Variants in BCL9 observed in about 807,000 individuals in gnomAD.
BCL9 encodes BCL9 transcription coactivator.
Under a neutral mutation model 88.5 loss-of-function variants are expected in BCL9, and 25 were observed. That is an observed-to-expected ratio of 0.28 (90% confidence interval 0.21 to 0.39). The LOEUF (loss-of-function observed/expected upper bound fraction) is 0.39, where lower values mean the gene tolerates loss of function less well. Among genes scored for constraint, BCL9 ranks in the 10% least tolerant of loss-of-function variants. The probability of loss-of-function intolerance (pLI) is 1.00; values close to 1 mark genes in which losing one functional copy is unlikely to be tolerated. For synonymous variants in BCL9, 711 were observed against 673.3 expected, an observed-to-expected ratio of 1.06 and a Z score of -0.87; for missense variants, 1,817 against 1,877.8, an observed-to-expected ratio of 0.97 and a Z score of 0.60.
chr1:147,567,264 G>C (rs1333937451), intron 1 of BCL9, among the ~76,000 whole-genome samples: 1 of 152,176 alleles, frequency 6.6e-6, no homozygotes, highest in East Asian at 1.9e-4. Context: ...TTCGTGGACT[G>C]TACAGAATTG....
chr1:147,548,423 G>T (rs1273513673), intron 1 of BCL9, among the ~76,000 whole-genome samples: 1 of 152,154 alleles, frequency 6.6e-6, no homozygotes, highest in Non-Finnish European at 1.5e-5. Flanking sequence ...TTCCAAGCCA[G>T]CTCCAGCTGC....
intron 1 of BCL9, among the ~76,000 whole-genome samples, chr1:147,556,641 G>T (rs1406035623): frequency 2.0e-5 from 3 of 151,788 alleles, no homozygotes; most frequent in African/African-American, 7.3e-5. Context: ...TAGAGACAGG[G>T]TCTCATTATG....
chr1:147,596,572 C>A (rs1435232132), intron 1 of BCL9, among the ~76,000 whole-genome samples: 3 of 21,606 alleles, frequency 1.4e-4, no homozygotes, highest in South Asian at 2.5e-3. Context: ...GGCCACCACA[C>A]CCTGCTAATT....
chr1:147,593,151 CAA>C (rs1467487412), intron 1 of BCL9, among the ~76,000 whole-genome samples: 1 of 152,226 alleles, frequency 6.6e-6, no homozygotes, highest in African/African-American at 2.4e-5. Context: ...GCTGAGAAGA[CAA>C]AGAGGCATCC....
rs1557868252 is a variant in BCL9, at chr1:147,626,083, A to C, written c.*1124A>C. ...CCAGGATTTTGTTTCTGTTTGTTTT[A>C]AATTTTGTGGTTCCTTCCCTTTCCT... On this transcript the variant is annotated 3_prime_UTR_variant, in exon 10 of 10. Coordinates refer to ENST00000234739, the MANE Select transcript of BCL9 (RefSeq NM_004326.4). 4.5e-6 allele frequency: 1 copy of C among 221,074 alleles called. No homozygotes were observed. 13.7% of individuals were successfully genotyped at this position (221,074 alleles called of 1,614,324 possible).
intron 1 of BCL9, among the ~76,000 whole-genome samples, chr1:147,588,471 C>T (rs1656712970): frequency 6.6e-6 from 1 of 152,098 alleles, no homozygotes; most frequent in Non-Finnish European, 1.5e-5. Flanking sequence ...TAAGGTGAAA[C>T]AAAAAGGATT....
At chr1:147,593,772 C>G (rs782205292) in intron 1 of BCL9, among the ~76,000 whole-genome samples, 1 of 152,058 alleles carries the variant, frequency 6.6e-6, no homozygotes, top group Non-Finnish European at 1.5e-5. Context: ...AAGCCCTGTA[C>G]TTAGTAGTTG....
At chr1:147,595,368 G>GT (rs1553200351) in intron 1 of BCL9, among the ~76,000 whole-genome samples, 1 of 152,240 alleles carries the variant, frequency 6.6e-6, no homozygotes, top group Non-Finnish European at 1.5e-5. Flanking sequence ...AAATAGTTGG[G>GT]TAGTAATTCT....
chr1:147,559,178 T>C (rs1277875337), intron 1 of BCL9, among the ~76,000 whole-genome samples: 2 of 150,666 alleles, frequency 1.3e-5, no homozygotes, highest in African/African-American at 4.9e-5. Flanking sequence ...TTTTTTCTTC[T>C]TTACCAGGAA....
In BCL9 at chr1:147,625,116, G is replaced by T; in HGVS notation, c.*157G>T. On this transcript the variant is annotated 3_prime_UTR_variant, in exon 10 of 10. Coordinates refer to ENST00000234739, the MANE Select transcript of BCL9 (RefSeq NM_004326.4). ...GGGAGGGGGGAACTCGAGAATGTAT[G>T]GATTTACCTGAAAACAAATTATTCA... is the stretch of plus-strand genomic sequence containing the variant. 1 of 777,532 alleles carries T rather than the reference G, an allele frequency of 1.3e-6. No individual in the cohort carries two copies. Among genetic ancestry groups the T allele is most frequent in the Non-Finnish European group, 1.9e-6 (1 of 530,332 alleles). 48.2% of individuals were successfully genotyped at this position (777,532 alleles called of 1,614,324 possible).
intron 1 of BCL9, among the ~76,000 whole-genome samples, chr1:147,568,626 C>A (rs1054363616): frequency 4.0e-5 from 6 of 151,854 alleles, no homozygotes; most frequent in Non-Finnish European, 8.8e-5. Flanking sequence ...AATAGGAGAG[C>A]TGATTCAAGA....
rs1658581425 is a variant in BCL9, at chr1:147,620,699, A to G, written c.2544A>G (p.Ile848Met). The G allele has an allele frequency of 6.2e-7, 1 of 1,614,144 alleles. No individual in the cohort carries two copies. Among genetic ancestry groups the G allele is most frequent in the African/African-American group, 1.3e-5 (1 of 75,022 alleles). ...QRGLGRKPLDISVAGSQVHSP... is the reference protein window; with the variant it reads ...QRGLGRKPLDMSVAGSQVHSP... ...GCCTGGGGCGGAAGCCCTTGGATAT[A>G]TCTGTGGCAGGCAGCCAGGTGCATT... The change falls in exon 8 of 10, where the codon ATA becomes ATG. Residue 848 changes from isoleucine to methionine, a missense_variant. Coordinates refer to ENST00000234739, the MANE Select transcript of BCL9 (RefSeq NM_004326.4).
At chr1:147,569,358 T>G (rs142943420) in intron 1 of BCL9, among the ~76,000 whole-genome samples, 2 of 151,440 alleles carry the variant, frequency 1.3e-5, no homozygotes, top group African/African-American at 4.8e-5. Flanking sequence ...CCTGGGTAAC[T>G]ATACCCACGC....
At position 147,625,105 on chromosome 1, in the gene BCL9, C is replaced by T. The variant is rs112016098; in HGVS notation, c.*146C>T. On this transcript the variant is annotated 3_prime_UTR_variant, in exon 10 of 10. Coordinates refer to ENST00000234739, the MANE Select transcript of BCL9 (RefSeq NM_004326.4). ...GGCTGCTTTGGGGGAGGGGGGAACTCGAGAATGTATGGATTTACCTGAAAA... is the reference window on the plus strand; with the variant it reads ...GGCTGCTTTGGGGGAGGGGGGAACTTGAGAATGTATGGATTTACCTGAAAA... 1,269 of 924,754 alleles carry T rather than the reference C, an allele frequency of 1.4e-3. 13 individuals carry two copies. In the African/African-American group the frequency reaches 0.019, roughly 14 times the overall value. The allele number at this position is 924,754 out of a possible 1,614,324, so 57.3% of individuals were successfully genotyped here. A position where few individuals can be genotyped will look rare whatever the true frequency, so the allele number is the denominator to read the frequency against.
Position 147,620,820 on chromosome 1 carries a change from C to G in BCL9, c.2665C>G (p.Pro889Ala). ...PSGNLKSPQT[P>A]SQLAGMLAGP... ...GGGGAACCTCAAGTCCCCCCAGACT[C>G]CATCGCAGCTGGCAGGCATGCTGGC... The change falls in exon 8 of 10, where the codon CCA becomes GCA. Residue 889 changes from proline (P) to alanine (A), a missense_variant. Coordinates refer to ENST00000234739, the MANE Select transcript of BCL9 (RefSeq NM_004326.4). 3.1e-6 allele frequency: 5 copies of G among 1,614,198 alleles called. No homozygotes were observed. Among genetic ancestry groups the G allele is most frequent in the Admixed American group, 1.7e-5 (1 of 60,034 alleles).
chr1:147,565,174 A>G (rs1361381842), intron 1 of BCL9, among the ~76,000 whole-genome samples: 1 of 152,182 alleles, frequency 6.6e-6, no homozygotes, highest in African/African-American at 2.4e-5. Flanking sequence ...GTACTTGCCA[A>G]TGACTACATC....
At chr1:147,596,245 T>C (rs924548520) in intron 1 of BCL9, among the ~76,000 whole-genome samples, 7 of 152,158 alleles carry the variant, frequency 4.6e-5, no homozygotes, top group Non-Finnish European at 7.4e-5. Context: ...GGGATGAAGC[T>C]CTGGGACTCC....
At chr1:147,599,496 C>G (rs1228643746) in intron 1 of BCL9, among the ~76,000 whole-genome samples, 1 of 132,242 alleles carries the variant, frequency 7.6e-6, no homozygotes, top group South Asian at 2.1e-4. Context: ...GGCCCCCCGC[C>G]CCCCTCGGTT....
chr1:147,607,183 C>T (rs782570909), intron 3 of BCL9, among the ~76,000 whole-genome samples: 4 of 152,096 alleles, frequency 2.6e-5, no homozygotes, highest in Admixed American at 1.3e-4. Flanking sequence ...TTTTAAAGGC[C>T]GAATAGTATT....
Sources: allele counts gnomAD v4.1 joint callset (sites outside exome capture counted in the v4.1 genomes callset), GRCh38; gene constraint gnomAD v4.1.1; transcripts MANE v1.5; gene names NCBI Gene and HGNC (gene_info 2026-07-23, HGNC 2026-07-21).